The following PEX2 variants were observed in gnomAD, a reference collection of about 807,000 sequenced individuals.
PEX2 encodes the protein peroxisome biogenesis factor 2.
Under a neutral mutation model 25.2 loss-of-function variants are expected in PEX2, and 19 were observed. That is an observed-to-expected ratio of 0.75 (90% confidence interval 0.53 to 1.10). The LOEUF (loss-of-function observed/expected upper bound fraction) is 1.10. Among genes scored for constraint, PEX2 ranks in the 50% least tolerant of loss-of-function variants. The pLI is 0.00. For missense variants in PEX2, 347 were observed against 350.6 expected (o/e 0.99, Z 0.08); for synonymous variants, 141 against 127.7 (o/e 1.10, Z -0.70).
At chr8:76,999,119 G>A (rs1404094792) in intron 1 of PEX2, among the ~76,000 whole-genome samples, 1 of 152,022 alleles carries the variant, frequency 6.6e-6, no homozygotes, top group Non-Finnish European at 1.5e-5. Context: ...GCCACCCCAA[G>A]TTCATTCTGT....
At chr8:76,996,858 G>C (rs1350647370) in intron 1 of PEX2, among the ~76,000 whole-genome samples, 1 of 152,070 alleles carries the variant, frequency 6.6e-6, no homozygotes, top group African/African-American at 2.4e-5. Flanking sequence ...ATTTTAAGAA[G>C]ATAAAAATTA....
Position 76,984,132 on chromosome 8 carries a change from C to T in PEX2, c.47G>A (p.Arg16Lys). ...ENAKSANRVLRISQLDALELN... is the reference protein window; with the variant it reads ...ENAKSANRVLKISQLDALELN... ...TTCAAGTGCATCCAACTGGCTTATTCTTAGCACTCTGTTTGCACTCTTCGC... is the reference window on the plus strand; with the variant it reads ...TTCAAGTGCATCCAACTGGCTTATTTTTAGCACTCTGTTTGCACTCTTCGC... The change falls in exon 4 of 4, where the codon AGA becomes AAA. Residue 16 changes from arginine to lysine, a missense_variant. Coordinates refer to ENST00000357039, the MANE Select transcript of PEX2 (RefSeq NM_000318.3). 1 of 1,614,090 alleles carries T rather than the reference C, an allele frequency of 6.2e-7. No individual in the cohort carries two copies. Among genetic ancestry groups the T allele is most frequent in the Non-Finnish European group, 8.5e-7 (1 of 1,180,000 alleles).
chr8:76,985,491 C>T (rs1007585320), intron 3 of PEX2, among the ~76,000 whole-genome samples: 3 of 152,094 alleles, frequency 2.0e-5, no homozygotes, highest in Non-Finnish European at 2.9e-5. Context: ...TAAGTAACTA[C>T]GGGTGGTGAT....
Position 76,983,702 on chromosome 8 carries a change from C to G in PEX2, c.477G>C (p.Gln159His). The change falls in exon 4 of 4, where the codon CAG (glutamine) becomes CAC (histidine). Residue 159 changes from glutamine to histidine, a missense_variant. Coordinates refer to ENST00000357039, the MANE Select transcript of PEX2 (RefSeq NM_000318.3). ...GGLINFLIFLQRGKFATLTER... is the reference protein window; with the variant it reads ...GGLINFLIFLHRGKFATLTER... ...CTGTCAAAGTTGCAAACTTTCCCCT[C>G]TGAAGGAAAATCAAAAAATTAATCA... 6.2e-7 allele frequency: 1 copy of G among 1,614,092 alleles called. No individual in the cohort carries two copies.
Position 76,980,556 on chromosome 8 carries a change from T to C in PEX2, c.*2705A>G, listed in dbSNP as rs910445135. On this transcript the variant is annotated 3_prime_UTR_variant, in exon 4 of 4. Coordinates refer to ENST00000357039, the MANE Select transcript of PEX2 (RefSeq NM_000318.3). Reference sequence around the variant, plus strand: ...ATTTAAGTAACCAGGAACAGTATTTTCCATCCCCTAGCTATAGTGGCTGGT... The same window carrying C: ...ATTTAAGTAACCAGGAACAGTATTTCCCATCCCCTAGCTATAGTGGCTGGT... 2 of 152,204 alleles carry C rather than the reference T, an allele frequency of 1.3e-5. No homozygotes were observed. The highest frequency in any genetic ancestry group is 1.3e-4 in the Admixed American group (2 of 15,278). 9.4% of individuals were successfully genotyped at this position (152,204 alleles called of 1,614,324 possible).
At chr8:77,000,105 T>G (rs1287405763), upstream of PEX2, 7 of 375,168 alleles carry the variant, frequency 1.9e-5, no homozygotes, top group Non-Finnish European at 2.6e-5. Flanking sequence ...CTCGCAGGCT[T>G]CCGGAGCGAC....
chr8:76,995,054 T>TA, intron 1 of PEX2, among the ~76,000 whole-genome samples: 1 of 152,316 alleles, frequency 6.6e-6, no homozygotes, highest in East Asian at 1.9e-4. Context: ...GAAAAAAGGC[T>TA]ATGGCTGAAG....
At chr8:76,993,605 G>A (rs1196556733) in intron 1 of PEX2, among the ~76,000 whole-genome samples, 1 of 152,038 alleles carries the variant, frequency 6.6e-6, no homozygotes. Flanking sequence ...TATATTATTG[G>A]TCATTGTAAA....
intron 1 of PEX2, among the ~76,000 whole-genome samples, chr8:76,999,496 C>T (rs189643329): frequency 1.2e-4 from 18 of 152,342 alleles, no homozygotes; most frequent in African/African-American, 4.3e-4. Flanking sequence ...TTTTCATTAT[C>T]TCTTCCTCCA....
chr8:76,999,706 G>A, intron 1 of PEX2: 1 of 374,496 alleles, frequency 2.7e-6, no homozygotes, highest in South Asian at 2.0e-5. Flanking sequence ...TTCGAAGTTC[G>A]TCTCTTAAGT....
chr8:76,985,621 G>C (rs974232114), intron 3 of PEX2, among the ~76,000 whole-genome samples: 1 of 151,932 alleles, frequency 6.6e-6, no homozygotes, highest in African/African-American at 2.4e-5. Flanking sequence ...ATAAAGCTAG[G>C]GGAAAAAAAC....
chr8:76,988,720 G>A (rs1300195919), intron 1 of PEX2, among the ~76,000 whole-genome samples: 1 of 152,100 alleles, frequency 6.6e-6, no homozygotes, highest in African/African-American at 2.4e-5. Context: ...CTTTCTGATA[G>A]CATTTTACCA....
chr8:76,980,301 T>C lies in PEX2; in HGVS notation c.*2960A>G, dbSNP rs1806777092. ...TGACTTTATTTAATCCTTTCAAATC[T>C]GCAATGTTAAAGAATCATCCAGTTA... is the stretch of plus-strand genomic sequence containing the variant. On this transcript the variant is annotated 3_prime_UTR_variant, in exon 4 of 4. Transcript: ENST00000357039. The C allele has an allele frequency of 6.6e-6, 1 of 152,210 alleles. No individual in the cohort carries two copies. The highest frequency in any genetic ancestry group is 2.1e-4 in the South Asian group (1 of 4,830). 9.4% of individuals were successfully genotyped at this position (152,210 alleles called of 1,614,324 possible).
At chr8:76,996,554 AATGT>A (rs1166421330) in intron 1 of PEX2, among the ~76,000 whole-genome samples, 1 of 152,250 alleles carries the variant, frequency 6.6e-6, no homozygotes, top group Non-Finnish European at 1.5e-5. Flanking sequence ...ACACACATGA[AATGT>A]ATGAGCAGCT....
Position 76,982,638 on chromosome 8 carries a change from A to C in PEX2, c.*623T>G, listed in dbSNP as rs1806869216. On this transcript the variant is annotated 3_prime_UTR_variant, in exon 4 of 4. Coordinates refer to ENST00000357039, the MANE Select transcript of PEX2 (RefSeq NM_000318.3). ...CATCCTGGCTAACACAGTGAACCCC[A>C]TCTCTACTAAAAATACAAAAATTAC... 1 of 153,678 alleles carries C rather than the reference A, an allele frequency of 6.5e-6. No homozygotes were observed. The highest frequency in any genetic ancestry group is 2.4e-5 in the African/African-American group (1 of 41,394). The allele number at this position is 153,678 out of a possible 1,614,324, so 9.5% of individuals were successfully genotyped here.
intron 1 of PEX2, among the ~76,000 whole-genome samples, chr8:76,992,947 A>C (rs775034721): frequency 4.6e-5 from 7 of 152,242 alleles, no homozygotes; most frequent in Non-Finnish European, 1.0e-4. Context: ...ATGGTATGTA[A>C]GGCAAGGGAA....
intron 1 of PEX2, among the ~76,000 whole-genome samples, chr8:76,993,772 C>CT (rs1315124771): frequency 6.6e-6 from 1 of 152,130 alleles, no homozygotes; most frequent in Non-Finnish European, 1.5e-5. Context: ...TCCTACCAGC[C>CT]ACCCACTCCT....
intron 2 of PEX2, among the ~76,000 whole-genome samples, chr8:76,987,304 A>C (rs578126219): frequency 3.9e-5 from 6 of 152,308 alleles, no homozygotes; most frequent in East Asian, 1.9e-4. Flanking sequence ...AGGTCAGAGA[A>C]GGCTTCCTGG....
At chr8:76,989,715 G>C (rs1299020312) in intron 1 of PEX2, among the ~76,000 whole-genome samples, 1 of 152,194 alleles carries the variant, frequency 6.6e-6, no homozygotes, top group Non-Finnish European at 1.5e-5. Context: ...AGTCTCACCT[G>C]TGTGCTTAAA....
Sources: gnomAD v4.1 joint callset for allele counts (sites outside exome capture counted in the v4.1 genomes callset) on GRCh38, gnomAD v4.1.1 for gene constraint, MANE v1.5 for transcripts, NCBI Gene and HGNC (gene_info 2026-07-23, HGNC 2026-07-21) for gene names.